PARD3: variants seen among roughly 807,000 people sequenced by gnomAD.
PARD3 encodes the protein partitioning defective 3 homolog.
In PARD3, 75 loss-of-function variants were observed where a neutral mutation model predicts 155.4. The observed-to-expected ratio is 0.48, with a 90% CI of 0.40 to 0.58. The LOEUF (loss-of-function observed/expected upper bound fraction) is 0.58, where lower values mean the gene tolerates loss of function less well. Among genes scored for constraint, PARD3 ranks in the 20% least tolerant of loss-of-function variants. The probability of loss-of-function intolerance (pLI) is 0.00; values close to 1 mark genes in which losing one functional copy is unlikely to be tolerated. For missense variants in PARD3, 1,642 were observed against 1,721.7 expected, an observed-to-expected ratio of 0.95 and a Z score of 0.82; for synonymous variants, 576 against 610.5, an observed-to-expected ratio of 0.94 and a Z score of 0.83.
intron 22 of PARD3, among the ~76,000 whole-genome samples, chr10:34,162,279 G>A (rs1445641647): frequency 6.6e-6 from 1 of 152,196 alleles, no homozygotes; most frequent in Non-Finnish European, 1.5e-5. Flanking sequence ...AGCGCCATCA[G>A]CTTGGATATA....
At position 34,360,141 on chromosome 10, in the gene PARD3, C is replaced by T. The variant is rs368639267; in HGVS notation, c.1826G>A (p.Arg609Gln). ...AGLGVSVKGN[R>Q]SKENHADLGI... is the part of the protein sequence containing the mutation. ...CAAATCTGCGTGGTTCTCTTTTGAC[C>T]GGTTACCTTTGACACTGACACCAAG... Residue 609 changes from arginine to glutamine, a missense_variant, in exon 13 of 25, where the codon CGG becomes CAG. Physicochemically the swap from Arg to Gln is conservative, Grantham distance 43 (BLOSUM62 1). This residue lies in a region of PARD3 where 1,529 missense variants were observed against 1,587.3 expected (regional missense o/e 0.96). Coordinates refer to ENST00000374788, the MANE Select transcript of PARD3 (RefSeq NM_001184785.2). The T allele has an allele frequency of 1.4e-5, 23 of 1,613,878 alleles. No homozygotes were observed. In the Admixed American group the frequency reaches 1.8e-4, roughly 13 times the overall value.
chr10:34,424,095 T>C (rs1241692305), intron 5 of PARD3, among the ~76,000 whole-genome samples: 1 of 152,210 alleles, frequency 6.6e-6, no homozygotes, highest in African/African-American at 2.4e-5. Context: ...TATTGTATAT[T>C]AACATCTTAC....
intron 2 of PARD3, among the ~76,000 whole-genome samples, chr10:34,610,707 G>A (rs1416514660): frequency 1.3e-5 from 2 of 152,094 alleles, no homozygotes; most frequent in African/African-American, 4.8e-5. Context: ...TTTTATTTCA[G>A]TTTATAATCT....
chr10:34,628,794 CA>C (rs1476428030), intron 2 of PARD3, among the ~76,000 whole-genome samples: 1 of 151,938 alleles, frequency 6.6e-6, no homozygotes, highest in African/African-American at 2.4e-5. Context: ...GGAAAACAAC[CA>C]AAAATTTAAA....
At chr10:34,174,193 G>A (rs1949933301) in intron 22 of PARD3, among the ~76,000 whole-genome samples, 1 of 152,150 alleles carries the variant, frequency 6.6e-6, no homozygotes, top group Non-Finnish European at 1.5e-5. Context: ...CTATTCTAGT[G>A]GGGCTGCTCA....
chr10:34,729,992 A>C (rs1240284333), intron 1 of PARD3, among the ~76,000 whole-genome samples: 1 of 152,230 alleles, frequency 6.6e-6, no homozygotes, highest in Non-Finnish European at 1.5e-5. Flanking sequence ...GGAGAATTTT[A>C]ATAGGTTTTA....
chr10:34,599,580 T>C (rs2089593069), intron 2 of PARD3, among the ~76,000 whole-genome samples: 1 of 152,164 alleles, frequency 6.6e-6, no homozygotes, highest in African/African-American at 2.4e-5. Flanking sequence ...CTACATAAAA[T>C]TCAACTTTAA....
intron 1 of PARD3, among the ~76,000 whole-genome samples, chr10:34,806,936 T>C (rs1843470688): frequency 1.3e-5 from 2 of 152,174 alleles, no homozygotes; most frequent in African/African-American, 2.4e-5. Context: ...CTCACAGAGC[T>C]TGTAAGATTT....
chr10:34,788,725 G>A (rs1233351669), intron 1 of PARD3, among the ~76,000 whole-genome samples: 1 of 152,128 alleles, frequency 6.6e-6, no homozygotes, highest in African/African-American at 2.4e-5. Context: ...TCTTCAAGGA[G>A]AAGAGGGTAT....
At chr10:34,526,252 A>ATT (rs2082474635) in intron 2 of PARD3, among the ~76,000 whole-genome samples, 1 of 152,038 alleles carries the variant, frequency 6.6e-6, no homozygotes, top group Non-Finnish European at 1.5e-5. Context: ...CACAATGTTA[A>ATT]ACGTTAGTGA....
chr10:34,374,727 A>G, intron 11 of PARD3, 147 bp downstream of exon 11: 1 of 759,476 alleles, frequency 1.3e-6, no homozygotes, highest in South Asian at 1.7e-5. Flanking sequence ...AGAGAAAAGA[A>G]TGTTTGTATT....
At chr10:34,433,838 A>G (rs988329453) in intron 5 of PARD3, among the ~76,000 whole-genome samples, 4 of 152,212 alleles carry the variant, frequency 2.6e-5, no homozygotes, top group Non-Finnish European at 5.9e-5. Flanking sequence ...CAATAAAAGC[A>G]TGGTTACGCT....
At chr10:34,290,470 A>G (rs1564552712) in intron 20 of PARD3, among the ~76,000 whole-genome samples, 2 of 152,348 alleles carry the variant, frequency 1.3e-5, no homozygotes, top group East Asian at 3.9e-4. Flanking sequence ...ACCCAAAGAA[A>G]TTTGTAGGTT....
At position 34,551,030 on chromosome 10, in the gene PARD3, A is replaced by C. The variant is rs1422951147; in HGVS notation, c.223-33871T>G. On this transcript the variant is annotated intron_variant, in intron 2 of 24. Transcript: ENST00000374788. Reference sequence around the variant, plus strand: ...ATATTCACCCAGCTCTCCTGAGTCCAGTTACAAAAATACACTAATTCTGTA... The same window carrying C: ...ATATTCACCCAGCTCTCCTGAGTCCCGTTACAAAAATACACTAATTCTGTA... Among the ~76,000 whole-genome samples, 8 of 152,194 alleles carry C rather than the reference A, an allele frequency of 5.3e-5. No individual in the cohort carries two copies. In the East Asian group the frequency reaches 1.3e-3, roughly 26 times the overall value.
chr10:34,696,974 CT>C (rs1422464386), intron 1 of PARD3, among the ~76,000 whole-genome samples: 3 of 149,522 alleles, frequency 2.0e-5, no homozygotes, highest in Admixed American at 6.8e-5. Context: ...TGGCTTGAGC[CT>C]CTTTTTACAG....
At chr10:34,623,029 G>A (rs189268574) in intron 2 of PARD3, among the ~76,000 whole-genome samples, 1 of 152,096 alleles carries the variant, frequency 6.6e-6, no homozygotes, top group African/African-American at 2.4e-5. Context: ...CTGTAAGAGT[G>A]TACAGGTCAC....
chr10:34,207,208 G>C (rs750906135), intron 22 of PARD3, among the ~76,000 whole-genome samples: 2 of 152,202 alleles, frequency 1.3e-5, no homozygotes, highest in African/African-American at 2.4e-5. Context: ...AGGGGCTCAT[G>C]ATGAGTTAAA....
At chr10:34,290,247 T>C (rs1272801271) in intron 20 of PARD3, among the ~76,000 whole-genome samples, 1 of 152,228 alleles carries the variant, frequency 6.6e-6, no homozygotes, top group Non-Finnish European at 1.5e-5. Flanking sequence ...ATACAGTGTT[T>C]TTAAAAAAGT....
At chr10:34,403,137 T>C (rs1564673911) in intron 5 of PARD3, among the ~76,000 whole-genome samples, 1 of 152,224 alleles carries the variant, frequency 6.6e-6, no homozygotes, top group Admixed American at 6.5e-5. Flanking sequence ...TCTGTGGTAA[T>C]ATGTTCCCCA....
Sources: allele counts gnomAD v4.1 joint callset (sites outside exome capture counted in the v4.1 genomes callset), GRCh38; gene constraint gnomAD v4.1.1; regional missense constraint gnomAD v4.1.1; transcripts MANE v1.5; gene names NCBI Gene and HGNC (gene_info 2026-07-23, HGNC 2026-07-21).